FREM2: variants seen among roughly 807,000 people sequenced by gnomAD.
FREM2 encodes FRAS1-related extracellular matrix protein 2.
FREM2 carries 119 observed loss-of-function variants against 219.9 expected under a neutral mutation model. That is an observed-to-expected ratio of 0.54 (90% CI 0.47 to 0.63). FREM2 has a LOEUF of 0.63. Among genes scored for constraint, FREM2 ranks in the 30% least tolerant of loss-of-function variants. The probability of loss-of-function intolerance (pLI) is 0.00; values close to 1 mark genes in which losing one functional copy is unlikely to be tolerated. For missense variants in FREM2, 4,030 were observed against 3,993.6 expected, an observed-to-expected ratio of 1.01 and a Z score of -0.25; for synonymous variants, 1,562 against 1,522.8, an observed-to-expected ratio of 1.03 and a Z score of -0.60.
At chr13:38,739,562 G>A (rs1426337587) in intron 2 of FREM2, among the ~76,000 whole-genome samples, 1 of 152,068 alleles carries the variant, frequency 6.6e-6, no homozygotes, top group Non-Finnish European at 1.5e-5. Context: ...TAGAAAGTAT[G>A]AGCTCACCCT....
At chr13:38,872,498 T>C (rs1006621947) in intron 16 of FREM2, among the ~76,000 whole-genome samples, 6 of 152,200 alleles carry the variant, frequency 3.9e-5, no homozygotes, top group Non-Finnish European at 7.4e-5. Context: ...ATGCTCAAAA[T>C]AATGCACTGT....
intron 2 of FREM2, among the ~76,000 whole-genome samples, chr13:38,758,469 G>A: frequency 6.6e-6 from 1 of 152,096 alleles, no homozygotes; most frequent in East Asian, 1.9e-4. Context: ...CATTATCAGT[G>A]CCTCTCACAG....
rs578249359 is a variant in FREM2 at position 38,688,466 on chromosome 13, T to C, written c.1122T>C (p.Asp374=). 5.6e-6 allele frequency: 9 copies of C among 1,614,026 alleles called. No homozygotes were observed. Among genetic ancestry groups the C allele is most frequent in the Admixed American group, 1.7e-5 (1 of 60,006 alleles). The change falls in exon 1 of 24, where the codon GAT becomes GAC. Residue 374 remains aspartate (D), a synonymous_variant. Coordinates refer to ENST00000280481, the MANE Select transcript of FREM2 (RefSeq NM_207361.6). The stretch of plus-strand genomic sequence containing the variant: ...GCCAGGGCTACTTGGTGAGCACCGA[T>C]GATCGCAGCCTGCCCCTTTCCTCCT... ...QPGQGYLVST[D]DRSLPLSSFT... is the part of the protein sequence containing the mutation.
chr13:38,812,591 A>G (rs954270156), intron 6 of FREM2, among the ~76,000 whole-genome samples: 1 of 152,238 alleles, frequency 6.6e-6, no homozygotes, highest in South Asian at 2.1e-4. Flanking sequence ...AAGAAAAACT[A>G]CACTTTTGGC....
At position 38,689,104 on chromosome 13, in the gene FREM2, C is replaced by A. The variant is rs779716088; in HGVS notation, c.1760C>A (p.Thr587Asn). ...VPILPLSLSATDMDSDDSLLL... is the reference protein window; with the variant it reads ...VPILPLSLSANDMDSDDSLLL... ...ATCCTGCCCCTTTCCCTGAGTGCAA[C>A]TGACATGGATTCAGATGATTCTCTG... The change falls in exon 1 of 24, where the codon ACT (threonine) becomes AAT (asparagine). Residue 587 changes from threonine to asparagine, a missense_variant. Thr to Asn is a moderately conservative substitution (Grantham distance 65, BLOSUM62 0). This residue lies in a region of FREM2 where 3,102 missense variants were observed against 2,950.7 expected (regional missense o/e 1.05). Transcript: ENST00000280481. 1 of 1,613,980 alleles carries A rather than the reference C, an allele frequency of 6.2e-7. No individual in the cohort carries two copies. Among genetic ancestry groups the A allele is most frequent in the Non-Finnish European group, 8.5e-7 (1 of 1,180,020 alleles).
At chr13:38,840,644 A>ATATATATATATATATATG (rs1184958401) in intron 6 of FREM2, among the ~76,000 whole-genome samples, 5 of 134,268 alleles carry the variant, frequency 3.7e-5, no homozygotes, top group African/African-American at 1.4e-4. Context: ...ATATATATAT[A>ATATATATATATATATATG]TGTGTATGTA....
chr13:38,753,193 A>C (rs1872848637), intron 2 of FREM2, among the ~76,000 whole-genome samples: 1 of 152,186 alleles, frequency 6.6e-6, no homozygotes, highest in Non-Finnish European at 1.5e-5. Flanking sequence ...ACTTATATAC[A>C]AGTGAAAAAT....
chr13:38,824,502 C>G (rs1876195829), intron 6 of FREM2, among the ~76,000 whole-genome samples: 1 of 152,066 alleles, frequency 6.6e-6, no homozygotes, highest in Non-Finnish European at 1.5e-5. Context: ...AGTTATTACT[C>G]AAATCAGTCT....
In FREM2 at chr13:38,850,996, G is replaced by A. The variant is rs775490231; in HGVS notation, c.6630G>A (p.Glu2210=). Residue 2210 remains glutamate (E), a synonymous_variant, in exon 10 of 24, where the codon GAG becomes GAA. Transcript: ENST00000280481. ...ILELMDDVLY[E]EVEELRLVLG... ...AGCTGATGGACGATGTGCTCTATGA[G>A]GAGGTAGAGGAGCTCCGCCTGGTAC... is the stretch of plus-strand genomic sequence containing the variant. 2 of 1,613,672 alleles carry A rather than the reference G, an allele frequency of 1.2e-6. No individual in the cohort carries two copies. The highest frequency in any genetic ancestry group is 2.2e-5 in the South Asian group (2 of 91,048).
Position 38,688,111 on chromosome 13 carries a change from G to A in FREM2, c.767G>A (p.Cys256Tyr). The A allele has an allele frequency of 6.2e-7, 1 of 1,613,262 alleles. No individual in the cohort carries two copies. The highest frequency in any genetic ancestry group is 8.5e-7 in the Non-Finnish European group (1 of 1,179,622). ...GGAPETLLMD[C>Y]KAFQELGVRY... ...GCCCCGGAGACTCTCCTGATGGACTGCAAAGCTTTCCAGGAACTAGGCGTG... is the reference window on the plus strand; with the variant it reads ...GCCCCGGAGACTCTCCTGATGGACTACAAAGCTTTCCAGGAACTAGGCGTG... Residue 256 changes from cysteine to tyrosine, a missense_variant, in exon 1 of 24, where the codon TGC becomes TAC. Physicochemically the swap from Cys to Tyr is radical, Grantham distance 194. This residue lies in a region of FREM2 where 3,102 missense variants were observed against 2,950.7 expected (regional missense o/e 1.05). Transcript: ENST00000280481.
intron 6 of FREM2, among the ~76,000 whole-genome samples, chr13:38,815,523 C>G (rs1218341908): frequency 6.6e-6 from 1 of 152,134 alleles, no homozygotes; most frequent in Non-Finnish European, 1.5e-5. Context: ...ACAACTGATA[C>G]CACAGAAATA....
chr13:38,752,199 C>T (rs556235040), intron 2 of FREM2, among the ~76,000 whole-genome samples: 1 of 152,152 alleles, frequency 6.6e-6, no homozygotes, highest in East Asian at 1.9e-4. Flanking sequence ...CACTTCCCAC[C>T]CTGCTTTCTC....
chr13:38,694,118 T>C (rs1870010327), intron 1 of FREM2, among the ~76,000 whole-genome samples: 1 of 152,230 alleles, frequency 6.6e-6, no homozygotes, highest in African/African-American at 2.4e-5. Flanking sequence ...TTAAATTCTG[T>C]GGACTAAGTC....
intron 2 of FREM2, among the ~76,000 whole-genome samples, chr13:38,746,167 T>C (rs1872475436): frequency 6.6e-6 from 1 of 152,230 alleles, no homozygotes; most frequent in South Asian, 2.1e-4. Context: ...CCACTTATGC[T>C]AAGTAGGAAC....
intron 17 of FREM2, 130 bp from the exon 18 acceptor site, chr13:38,874,352 T>C: frequency 1.4e-6 from 1 of 734,036 alleles, no homozygotes; most frequent in Non-Finnish European, 2.4e-6. Context: ...TATTCAGAAT[T>C]CTTCTGATAA....
chr13:38,774,095 G>C (rs1873779590), intron 4 of FREM2, among the ~76,000 whole-genome samples: 1 of 151,894 alleles, frequency 6.6e-6, no homozygotes, highest in South Asian at 2.1e-4. Flanking sequence ...TAGAAAAGAA[G>C]TAATATCCCA....
intron 6 of FREM2, among the ~76,000 whole-genome samples, chr13:38,786,078 T>C (rs908535367): frequency 1.3e-5 from 2 of 152,180 alleles, no homozygotes; most frequent in Non-Finnish European, 2.9e-5. Context: ...TCAACATCCT[T>C]GTAGCTAGCT....
chr13:38,806,078 A>C (rs1011933674), intron 6 of FREM2, among the ~76,000 whole-genome samples: 3 of 151,298 alleles, frequency 2.0e-5, no homozygotes, highest in Non-Finnish European at 4.4e-5. Flanking sequence ...CAAACACATG[A>C]GTGGGAGAGG....
intron 6 of FREM2, among the ~76,000 whole-genome samples, chr13:38,835,269 G>A (rs1036178075): frequency 2.6e-5 from 4 of 151,994 alleles, no homozygotes; most frequent in Admixed American, 6.6e-5. Context: ...GATGTATGGC[G>A]TTACTTCTGA....
Sources: gnomAD v4.1 joint callset for allele counts (sites outside exome capture counted in the v4.1 genomes callset) on GRCh38, gnomAD v4.1.1 for gene constraint, gnomAD v4.1.1 regional missense constraint, MANE v1.5 for transcripts, NCBI Gene and HGNC (gene_info 2026-07-23, HGNC 2026-07-21) for gene names.